The following RANBP2 variants were observed in gnomAD, a reference collection of about 807,000 sequenced individuals.
RANBP2 encodes the protein E3 SUMO-protein ligase RanBP2.
In RANBP2, 57 loss-of-function variants were observed where a neutral mutation model predicts 303.6. That is an observed-to-expected ratio of 0.19 (90% CI 0.15 to 0.23). The LOEUF is 0.23. Ranked by LOEUF, RANBP2 falls within the 10% of genes least tolerant of loss-of-function variation. The pLI is 1.00. For missense variants in RANBP2, 3,138 were observed against 3,780.8 expected, an observed-to-expected ratio of 0.83 and a Z score of 4.46; for synonymous variants, 1,167 against 1,301.5, an observed-to-expected ratio of 0.90 and a Z score of 2.23.
At chr2:109,235,817 C>T in the RANBP2 span, among the ~76,000 whole-genome samples, 1 of 152,212 alleles carries the variant, frequency 6.6e-6, no homozygotes, top group South Asian at 2.1e-4. Context: ...CACTCGGCAC[C>T]AGGGTGGGCC....
At chr2:109,501,676 T>G in the RANBP2 span, 1 of 755,534 alleles carries the variant, frequency 1.3e-6, no homozygotes, top group East Asian at 2.5e-5. Flanking sequence ...TTCTGAGAAC[T>G]GGTGCTCCCT....
the RANBP2 span, among the ~76,000 whole-genome samples, chr2:109,230,885 G>A: frequency 6.6e-6 from 1 of 152,186 alleles, no homozygotes; most frequent in Admixed American, 6.5e-5. Flanking sequence ...TCCCTTTGGG[G>A]GCTTTGGGGG....
chr2:108,786,841 A>G (rs1485834537), downstream of RANBP2: 8 of 1,592,546 alleles, frequency 5.0e-6, no homozygotes, highest in Admixed American at 1.4e-4. Flanking sequence ...GAGGGTCGTC[A>G]AGCCACCGGG....
At chr2:109,280,385 C>A in the RANBP2 span, among the ~76,000 whole-genome samples, 1 of 152,144 alleles carries the variant, frequency 6.6e-6, no homozygotes, top group African/African-American at 2.4e-5. Flanking sequence ...AGCAGCATCC[C>A]ACCTGAGTGC....
the RANBP2 span, among the ~76,000 whole-genome samples, chr2:109,163,711 A>G: frequency 6.6e-6 from 1 of 152,050 alleles, no homozygotes; most frequent in African/African-American, 2.4e-5. Flanking sequence ...AAATATTCTT[A>G]AGCTTGGAGA....
chr2:108,796,782 T>C, the RANBP2 span, among the ~76,000 whole-genome samples: 3 of 151,992 alleles, frequency 2.0e-5, no homozygotes, highest in African/African-American at 7.3e-5. Context: ...GTGGGTCTCA[T>C]AGAAATAGAG....
the RANBP2 span, among the ~76,000 whole-genome samples, chr2:108,872,845 C>T: frequency 6.6e-6 from 1 of 152,204 alleles, no homozygotes; most frequent in African/African-American, 2.4e-5. Flanking sequence ...CTCATGTCCT[C>T]ATAAACAAAA....
chr2:109,150,147 T>A, the RANBP2 span, among the ~76,000 whole-genome samples: 10 of 152,158 alleles, frequency 6.6e-5, no homozygotes, highest in Admixed American at 6.5e-4. Flanking sequence ...AGGAAGTGGT[T>A]GTGAGAGCCA....
chr2:108,847,396 G>A, the RANBP2 span, among the ~76,000 whole-genome samples: 1 of 152,124 alleles, frequency 6.6e-6, no homozygotes, highest in Non-Finnish European at 1.5e-5. Flanking sequence ...GAGACTGTAT[G>A]GCCCCCCAAA....
At chr2:109,587,450 T>G in the RANBP2 span, among the ~76,000 whole-genome samples, 1 of 150,968 alleles carries the variant, frequency 6.6e-6, no homozygotes, top group South Asian at 2.1e-4. Context: ...AAGGTGAAAG[T>G]GGGGGGTAGG....
At chr2:109,148,640 C>T in the RANBP2 span, among the ~76,000 whole-genome samples, 2 of 152,162 alleles carry the variant, frequency 1.3e-5, no homozygotes, top group African/African-American at 4.8e-5. Context: ...CAGGCAGAAG[C>T]CACAGCGTTT....
chr2:108,732,834 T>C (rs1192298473), intron 4 of RANBP2, among the ~76,000 whole-genome samples: 1 of 152,072 alleles, frequency 6.6e-6, no homozygotes, highest in Non-Finnish European at 1.5e-5. Flanking sequence ...TCTTTTTTCA[T>C]TTTTTTTGAG....
the RANBP2 span, among the ~76,000 whole-genome samples, chr2:109,237,978 A>T: frequency 2.0e-5 from 3 of 152,334 alleles, no homozygotes; most frequent in East Asian, 5.8e-4. Flanking sequence ...CATGCTTGTA[A>T]TCCTAGCACT....
chr2:109,065,315 G>A, the RANBP2 span, among the ~76,000 whole-genome samples: 3 of 152,150 alleles, frequency 2.0e-5, no homozygotes, highest in Admixed American at 6.5e-5. Context: ...CTTGCTTGCT[G>A]TAAATCTTTG....
At chr2:109,523,023 C>T in the RANBP2 span, among the ~76,000 whole-genome samples, 1 of 152,160 alleles carries the variant, frequency 6.6e-6, no homozygotes, top group African/African-American at 2.4e-5. Flanking sequence ...ACTGTCACTC[C>T]ATTTCCTGCT....
chr2:109,713,365 C>G, the RANBP2 span, among the ~76,000 whole-genome samples: 2 of 152,072 alleles, frequency 1.3e-5, no homozygotes, highest in African/African-American at 4.8e-5. Flanking sequence ...CTTCATCCCC[C>G]ACAAAGGACA....
the RANBP2 span, among the ~76,000 whole-genome samples, chr2:109,549,412 AAAC>A: frequency 6.6e-6 from 1 of 152,196 alleles, no homozygotes; most frequent in Admixed American, 6.5e-5. Context: ...GGGAAACATT[AAAC>A]AAGGGGGCAG....
chr2:109,103,648 G>A, the RANBP2 span, among the ~76,000 whole-genome samples: 30,123 of 152,156 alleles, frequency 0.2, 3,748 homozygotes, highest in Middle Eastern at 0.36. Context: ...AAATCTCTAG[G>A]TGAACTCCGT....
the RANBP2 span, among the ~76,000 whole-genome samples, chr2:108,880,228 A>C: frequency 1.3e-3 from 13 of 9,870 alleles, 1 homozygote; most frequent in East Asian, 0.034. Context: ...AACAAACAAA[A>C]AAAAAAACGA....
Sources: allele counts gnomAD v4.1 joint callset (sites outside exome capture counted in the v4.1 genomes callset), GRCh38; gene constraint gnomAD v4.1.1; transcripts MANE v1.5; gene names NCBI Gene and HGNC (gene_info 2026-07-23, HGNC 2026-07-21).